Variants in DNAJC25 observed in about 807,000 individuals in gnomAD.
The protein encoded by DNAJC25 is dnaJ homolog subfamily C member 25.
Under a neutral mutation model 42.1 loss-of-function variants are expected in DNAJC25, and 26 were observed. The observed-to-expected ratio is 0.62, with a 90% CI of 0.45 to 0.86. The LOEUF (loss-of-function observed/expected upper bound fraction) is 0.86, where lower values mean the gene tolerates loss of function less well. DNAJC25 is among the 40% of genes least tolerant of loss of function. DNAJC25 has a pLI of 0.00. For synonymous variants in DNAJC25, 189 were observed against 179.9 expected, an observed-to-expected ratio of 1.05 and a Z score of -0.40; for missense variants, 404 against 459.4, an observed-to-expected ratio of 0.88 and a Z score of 1.10.
intron 2 of DNAJC25, among the ~76,000 whole-genome samples, chr9:111,649,076 T>C (rs1830608614): frequency 6.6e-6 from 1 of 152,140 alleles, no homozygotes; most frequent in Admixed American, 6.6e-5. Context: ...TTTAACTCTT[T>C]CTCTAGTAAG....
chr9:111,642,690 T>C, intron 1 of DNAJC25: 1 of 180,112 alleles, frequency 5.6e-6, no homozygotes. Flanking sequence ...TTACAATTTA[T>C]GTACTGAGAT....
At chr9:111,643,827 G>C (rs62569916) in intron 1 of DNAJC25, among the ~76,000 whole-genome samples, 7,581 of 152,108 alleles carry the variant, frequency 0.05, 310 homozygotes, top group South Asian at 0.15. Flanking sequence ...GTCCCAGAAG[G>C]ATGGTCCTTC....
At chr9:111,651,242 C>G (rs1472913342) in intron 3 of DNAJC25, among the ~76,000 whole-genome samples, 1 of 118,128 alleles carries the variant, frequency 8.5e-6, no homozygotes, top group African/African-American at 3.4e-5. Context: ...CTGGCCTGAG[C>G]AACAGAGTGA....
At chr9:111,647,810 C>T (rs890428253) in intron 2 of DNAJC25, among the ~76,000 whole-genome samples, 10 of 152,332 alleles carry the variant, frequency 6.6e-5, no homozygotes, top group Admixed American at 5.2e-4. Context: ...GACAGAGTCT[C>T]GTTCTGTTGC....
chr9:111,642,603 C>CAATAAATA (rs200546212), intron 1 of DNAJC25, among the ~76,000 whole-genome samples: 63 of 109,266 alleles, frequency 5.8e-4, no homozygotes, highest in East Asian at 1.3e-3. Context: ...CAAGAATTAT[C>CAATAAATA]AATAAATAAA....
intron 3 of DNAJC25, among the ~76,000 whole-genome samples, chr9:111,652,050 G>C (rs566211887): frequency 6.6e-6 from 1 of 152,128 alleles, no homozygotes; most frequent in African/African-American, 2.4e-5. Context: ...CACCAAATCT[G>C]AAAGTCATCA....
At chr9:111,646,021 C>CCTTCCA (rs1368239197) in intron 1 of DNAJC25, among the ~76,000 whole-genome samples, 2 of 152,232 alleles carry the variant, frequency 1.3e-5, no homozygotes, top group African/African-American at 4.8e-5. Context: ...AATCCTCCCG[C>CCTTCCA]CTTGGCCTTC....
At chr9:111,652,748 T>C (rs1384304468) in intron 3 of DNAJC25, among the ~76,000 whole-genome samples, 1 of 151,712 alleles carries the variant, frequency 6.6e-6, no homozygotes, top group Non-Finnish European at 1.5e-5. Flanking sequence ...GGTTTCACCA[T>C]GTTGGCCAGG....
At chr9:111,649,252 A>G (rs759749898) in intron 2 of DNAJC25, among the ~76,000 whole-genome samples, 3 of 152,206 alleles carry the variant, frequency 2.0e-5, no homozygotes, top group Non-Finnish European at 4.4e-5. Flanking sequence ...AGTTTACCTT[A>G]CTTATCCAGC....
At chr9:111,632,921 G>A (rs1051743287) in intron 1 of DNAJC25, among the ~76,000 whole-genome samples, 3 of 152,068 alleles carry the variant, frequency 2.0e-5, no homozygotes, top group Non-Finnish European at 4.4e-5. Context: ...GGTAAACTAG[G>A]TGAATTGAAC....
At chr9:111,637,049 C>T (rs1180482782) in intron 1 of DNAJC25, among the ~76,000 whole-genome samples, 1 of 152,172 alleles carries the variant, frequency 6.6e-6, no homozygotes, top group Non-Finnish European at 1.5e-5. Context: ...AAACTACTGA[C>T]TTGATATAAT....
At position 111,649,899 on chromosome 9, in the gene DNAJC25, G is replaced by T. The variant is rs746370071; in HGVS notation, c.936G>T (p.Glu312Asp). Residue 312 changes from glutamate (E) to aspartate (D), a missense_variant, in exon 3 of 4, where the codon GAG (glutamate) becomes GAT (aspartate). Glu to Asp is a conservative substitution (Grantham distance 45, BLOSUM62 2). Coordinates refer to ENST00000313525, the MANE Select transcript of DNAJC25 (RefSeq NM_001015882.3). ...AGAAAGAAACTTTTCTTAAACGAGA[G>T]CTCTGGATCAAGGAGAATTATGAGG... ...DHQKETFLKR[E>D]LWIKENYEVY... 5 of 1,586,334 alleles carry T rather than the reference G, an allele frequency of 3.2e-6. No individual in the cohort carries two copies. Among genetic ancestry groups the T allele is most frequent in the Non-Finnish European group, 4.3e-6 (5 of 1,170,702 alleles).
chr9:111,644,474 T>C (rs1285961612), intron 1 of DNAJC25, among the ~76,000 whole-genome samples: 1 of 152,146 alleles, frequency 6.6e-6, no homozygotes, highest in East Asian at 1.9e-4. Context: ...CTACGTTCTG[T>C]AGAACAGAGA....
rs1830705689 is a variant in DNAJC25, at chr9:111,653,991, CA to C, written c.*770del. 1 of 152,146 alleles carries C rather than the reference CA, an allele frequency of 6.6e-6. No individual in the cohort carries two copies. Among genetic ancestry groups the C allele is most frequent in the Non-Finnish European group, 1.5e-5 (1 of 67,952 alleles). The allele number at this position is 152,146 out of a possible 1,614,324, so 9.4% of individuals were successfully genotyped here. On this transcript the variant is annotated 3_prime_UTR_variant, in exon 4 of 4. Coordinates refer to ENST00000313525, the MANE Select transcript of DNAJC25 (RefSeq NM_001015882.3). ...GACCTTGTAAAAAGGTCTTTTGTAC[CA>C]CAGTATTGGTTTTTTCCCCTCTCTC...
In DNAJC25 at chr9:111,647,142, G is replaced by C. The variant is rs1479091503; in HGVS notation, c.372G>C (p.Leu124=). The change falls in exon 2 of 4, where the codon CTG becomes CTC. Residue 124 remains leucine (L), a synonymous_variant. Coordinates refer to ENST00000313525, the MANE Select transcript of DNAJC25 (RefSeq NM_001015882.3). ...CACGAAAAGATTATGATTACATGCT[G>C]GATCATCCAGAAGAGTACTACAGCC... ...EETRKDYDYM[L]DHPEEYYSHY... 6.2e-7 allele frequency: 1 copy of C among 1,613,928 alleles called. No individual in the cohort carries two copies.
At chr9:111,633,011 A>G (rs1245070256) in intron 1 of DNAJC25, among the ~76,000 whole-genome samples, 1 of 152,132 alleles carries the variant, frequency 6.6e-6, no homozygotes, top group East Asian at 1.9e-4. Flanking sequence ...CAGTTAACTG[A>G]GGGATGGCTG....
At chr9:111,651,760 C>A (rs1830664273) in intron 3 of DNAJC25, among the ~76,000 whole-genome samples, 1 of 151,244 alleles carries the variant, frequency 6.6e-6, no homozygotes, top group East Asian at 1.9e-4. Flanking sequence ...CGTGGTGGTG[C>A]CTGTGGTCCT....
chr9:111,647,832 G>A (rs1015174867), intron 2 of DNAJC25, among the ~76,000 whole-genome samples: 1 of 152,230 alleles, frequency 6.6e-6, no homozygotes, highest in Non-Finnish European at 1.5e-5. Flanking sequence ...AGGCTGGAGT[G>A]CAGTGGCACA....
At chr9:111,647,059 C>G (rs749657976) in intron 1 of DNAJC25, 48 bp from the exon 2 acceptor site, 1 of 1,537,682 alleles carries the variant, frequency 6.5e-7, no homozygotes, top group South Asian at 1.3e-5. Context: ...TAAACTAAGG[C>G]CATTTAATGG....
Sources: gnomAD v4.1 joint callset for allele counts (sites outside exome capture counted in the v4.1 genomes callset) on GRCh38, gnomAD v4.1.1 for gene constraint, MANE v1.5 for transcripts, NCBI Gene and HGNC (gene_info 2026-07-23, HGNC 2026-07-21) for gene names.